The following GARNL3 variants were observed in gnomAD, a reference collection of about 807,000 sequenced individuals.
The protein encoded by GARNL3 is GTPase activating Rap/RanGAP domain like 3, also known as GTPase-activating Rap/Ran-GAP domain-like protein 3.
GARNL3 carries 63 observed loss-of-function variants against 125.0 expected under a neutral mutation model. The observed-to-expected ratio is 0.50, with a 90% CI of 0.41 to 0.62. GARNL3 has a LOEUF of 0.62. GARNL3 is among the 20% of genes least tolerant of loss of function. GARNL3 has a pLI of 0.00. For synonymous variants in GARNL3, 439 were observed against 457.5 expected, an observed-to-expected ratio of 0.96 and a Z score of 0.52; for missense variants, 994 against 1,244.0, an observed-to-expected ratio of 0.80 and a Z score of 3.02.
At chr9:127,331,806 T>C (rs1340688360) in intron 7 of GARNL3, among the ~76,000 whole-genome samples, 1 of 148,954 alleles carries the variant, frequency 6.7e-6, no homozygotes, top group Non-Finnish European at 1.5e-5. Context: ...TTAGTATAAA[T>C]TGCCTATAAT....
intron 2 of GARNL3, among the ~76,000 whole-genome samples, chr9:127,303,308 A>G (rs1185884703): frequency 6.6e-6 from 1 of 151,750 alleles, no homozygotes; most frequent in Non-Finnish European, 1.5e-5. Context: ...GTATGTATAT[A>G]TGTATGTGAA....
At chr9:127,298,240 G>A (rs574366536) in intron 2 of GARNL3, among the ~76,000 whole-genome samples, 44 of 152,260 alleles carry the variant, frequency 2.9e-4, no homozygotes, top group Admixed American at 2.3e-3. Context: ...GTGCAATGGC[G>A]TAATCTCAGC....
chr9:127,241,217 C>T (rs368812460), intron 1 of GARNL3, among the ~76,000 whole-genome samples: 2 of 152,044 alleles, frequency 1.3e-5, no homozygotes, highest in South Asian at 2.1e-4. Context: ...ACTCCCTCAT[C>T]GGTATCTTGA....
chr9:127,297,018 C>G (rs2064619875), intron 2 of GARNL3, among the ~76,000 whole-genome samples: 1 of 152,148 alleles, frequency 6.6e-6, no homozygotes, highest in Admixed American at 6.5e-5. Flanking sequence ...CTAACAAAGA[C>G]CAAATACGTA....
chr9:127,354,010 C>G (rs1258614772), intron 18 of GARNL3, 66 bp downstream of exon 18: 3 of 1,048,288 alleles, frequency 2.9e-6, no homozygotes, highest in Non-Finnish European at 4.5e-6. Flanking sequence ...CGGCCCACAC[C>G]ACAGGTCGCC....
chr9:127,283,275 A>G (rs1015911229), intron 1 of GARNL3, among the ~76,000 whole-genome samples: 5 of 152,304 alleles, frequency 3.3e-5, no homozygotes, highest in East Asian at 1.9e-4. Context: ...AATTATGGAA[A>G]TATTTTTATC....
At chr9:127,298,480 G>C (rs1266206551) in intron 2 of GARNL3, among the ~76,000 whole-genome samples, 1 of 152,136 alleles carries the variant, frequency 6.6e-6, no homozygotes, top group Non-Finnish European at 1.5e-5. Context: ...CGCCCGGCCT[G>C]CTTCCAGGTT....
At chr9:127,332,999 C>A in intron 8 of GARNL3, 24 bp from the exon 9 acceptor site, 1 of 1,543,102 alleles carries the variant, frequency 6.5e-7, no homozygotes. Flanking sequence ...CCATACTTTC[C>A]TCATACTCTA....
chr9:127,247,203 G>A (rs2063319867), intron 2 of GARNL3, among the ~76,000 whole-genome samples: 1 of 152,142 alleles, frequency 6.6e-6, no homozygotes, highest in Non-Finnish European at 1.5e-5. Context: ...GGCAAGTGGT[G>A]GTTTGATGTC....
At chr9:127,256,313 G>T (rs535508143) in intron 2 of GARNL3, among the ~76,000 whole-genome samples, 1 of 152,284 alleles carries the variant, frequency 6.6e-6, no homozygotes, top group South Asian at 2.1e-4. Flanking sequence ...TGTTTCCCAG[G>T]TTTCTGGATG....
At chr9:127,313,285 A>C in intron 3 of GARNL3, 156 bp from the exon 4 acceptor site, 1 of 655,760 alleles carries the variant, frequency 1.5e-6, no homozygotes, top group South Asian at 1.7e-5. Flanking sequence ...GGAATACATG[A>C]TCCCCCGAGA....
chr9:127,264,680 C>G (rs77639666), upstream of GARNL3: 8 of 1,203,626 alleles, frequency 6.6e-6, no homozygotes, highest in African/African-American at 1.3e-4. Context: ...AAATTTCAAT[C>G]GATTCCAAAT....
intron 2 of GARNL3, among the ~76,000 whole-genome samples, chr9:127,246,335 G>T (rs2063303596): frequency 6.6e-6 from 1 of 152,170 alleles, no homozygotes; most frequent in Non-Finnish European, 1.5e-5. Flanking sequence ...GGATTGATTT[G>T]GGAAGTATTT....
chr9:127,288,566 G>T (rs1431251239), intron 1 of GARNL3, among the ~76,000 whole-genome samples: 1 of 152,148 alleles, frequency 6.6e-6, no homozygotes, highest in Non-Finnish European at 1.5e-5. Context: ...AAATGGTAAC[G>T]GTGATAGTCA....
At chr9:127,238,926 T>C (rs1422537205) in intron 1 of GARNL3, among the ~76,000 whole-genome samples, 1 of 152,168 alleles carries the variant, frequency 6.6e-6, no homozygotes, top group East Asian at 1.9e-4. Context: ...TCCCGCTCTA[T>C]CTGAGCAATG....
intron 1 of GARNL3, among the ~76,000 whole-genome samples, chr9:127,285,932 G>A (rs2064238958): frequency 6.6e-6 from 1 of 151,856 alleles, no homozygotes; most frequent in Admixed American, 6.6e-5. Context: ...TGTTTTAGTA[G>A]GGAAATGTAA....
intron 1 of GARNL3, among the ~76,000 whole-genome samples, chr9:127,228,611 C>G (rs1283958618): frequency 6.6e-6 from 1 of 151,994 alleles, no homozygotes; most frequent in Non-Finnish European, 1.5e-5. Context: ...TGTCGATTTT[C>G]CTTTGGAATG....
intron 18 of GARNL3, 70 bp from the exon 19 acceptor site, chr9:127,354,224 C>T (rs754354188): frequency 1.3e-5 from 15 of 1,122,702 alleles, no homozygotes; most frequent in Non-Finnish European, 1.9e-5. Context: ...ACACAGTCTG[C>T]CCCTGGAGGC....
At chr9:127,350,290 A>G (rs914501172) in intron 17 of GARNL3, among the ~76,000 whole-genome samples, 1 of 152,184 alleles carries the variant, frequency 6.6e-6, no homozygotes, top group Non-Finnish European at 1.5e-5. Context: ...ATTTTTTAAG[A>G]TGCTGAGAAT....
Sources: allele counts gnomAD v4.1 joint callset (sites outside exome capture counted in the v4.1 genomes callset), GRCh38; gene constraint gnomAD v4.1.1; transcripts MANE v1.5; gene names NCBI Gene and HGNC (gene_info 2026-07-23, HGNC 2026-07-21).